The following LHCGR variants were observed in gnomAD, a reference collection of about 807,000 sequenced individuals.
LHCGR encodes the protein luteinizing hormone/choriogonadotropin receptor.
A neutral mutation model predicts 60.7 loss-of-function variants in LHCGR; 55 were observed. That is an observed-to-expected ratio of 0.91 (90% CI 0.73 to 1.13). The LOEUF is 1.13. LHCGR is among the 50% of genes most tolerant of loss of function. The probability of loss-of-function intolerance (pLI) is 0.00; values close to 1 mark genes in which losing one functional copy is unlikely to be tolerated. For synonymous variants in LHCGR, 337 were observed against 316.5 expected (o/e 1.06, Z -0.69); for missense variants, 862 against 836.0 (o/e 1.03, Z -0.38).
chr2:48,742,709 T>A (rs928744327), intron 1 of LHCGR, among the ~76,000 whole-genome samples: 1 of 151,634 alleles, frequency 6.6e-6, no homozygotes, highest in Admixed American at 6.6e-5. Context: ...AGAGGGAAAT[T>A]TTTAGCACTA....
chr2:48,687,189 C>A lies in LHCGR; in HGVS notation c.*508G>T. The A allele has an allele frequency of 6.3e-6, 1 of 158,606 alleles. No individual in the cohort carries two copies. The highest frequency in any genetic ancestry group is 1.4e-5 in the Non-Finnish European group (1 of 71,918). 9.8% of individuals were successfully genotyped at this position (158,606 alleles called of 1,614,324 possible). A position where few individuals can be genotyped will look rare whatever the true frequency, so the allele number is the denominator to read the frequency against. On this transcript the variant is annotated 3_prime_UTR_variant, in exon 11 of 11. Transcript: ENST00000294954. ...TAGCCATTGAGAACTTGAAACGTGG[C>A]TAGTGCAACTGAGAAACTACATTTC...
chr2:48,694,435 T>A, intron 9 of LHCGR, 131 bp from the exon 10 acceptor site: 1 of 678,140 alleles, frequency 1.5e-6, no homozygotes, highest in Non-Finnish European at 2.7e-6. Context: ...TGCACCATTG[T>A]CCTAACTGAA....
intron 6 of LHCGR, among the ~76,000 whole-genome samples, chr2:48,716,673 A>G (rs1668263995): frequency 6.6e-6 from 1 of 152,110 alleles, no homozygotes; most frequent in African/African-American, 2.4e-5. Context: ...TAGAAGCTCA[A>G]TTTCACCAGA....
chr2:48,747,385 C>T (rs543529386), intron 1 of LHCGR, among the ~76,000 whole-genome samples: 264 of 152,290 alleles, frequency 1.7e-3, no homozygotes, highest in Middle Eastern at 3.4e-3. Context: ...AGCCACTGTG[C>T]CTGAGAATGG....
rs1670173776 is a variant in LHCGR, at chr2:48,755,595, C to A, written c.77G>T (p.Arg26Leu). 6.5e-7 allele frequency: 1 copy of A among 1,537,422 alleles called. No homozygotes were observed. The highest frequency in any genetic ancestry group is 2.4e-5 in the East Asian group (1 of 40,822). ...GCAGGGCTCAGGGCAGAGCGCCTCG[C>A]GCAGCGCTCGTGGCAGCGGCGGCTG... ...LLQPPLPRALREALCPEPCNC... is the reference protein window; with the variant it reads ...LLQPPLPRALLEALCPEPCNC... Residue 26 changes from arginine (R) to leucine (L), a missense_variant, in exon 1 of 11, where the codon CGC (arginine) becomes CTC (leucine). Arg to Leu is a moderately radical substitution (Grantham distance 102). Transcript: ENST00000294954.
At position 48,729,133 on chromosome 2, in the gene LHCGR, G is replaced by A. The variant is rs755892952; in HGVS notation, c.308+20C>T. 6.4e-7 allele frequency: 1 copy of A among 1,566,610 alleles called. No individual in the cohort carries two copies. The highest frequency in any genetic ancestry group is 2.2e-5 in the East Asian group (1 of 44,660). On this transcript the variant is annotated intron_variant, in intron 3 of 10. Coordinates refer to ENST00000294954, the MANE Select transcript of LHCGR (RefSeq NM_000233.4). The stretch of plus-strand genomic sequence containing the variant: ...GGGTAATAGTGTACAGCAGTAAACT[G>A]TCTGTTAGCTGATGCTTACATTTCA...
At chr2:48,704,606 G>A (rs1667573243) in intron 8 of LHCGR, among the ~76,000 whole-genome samples, 1 of 152,120 alleles carries the variant, frequency 6.6e-6, no homozygotes, top group African/African-American at 2.4e-5. Context: ...CTTCTTCCTG[G>A]TTTAGTCTTG....
chr2:48,687,841 T>A lies in LHCGR; in HGVS notation c.1956A>T (p.Arg652Ser). The change falls in exon 11 of 11, where the codon AGA (arginine) becomes AGT (serine). Residue 652 changes from arginine (R) to serine (S), a missense_variant. Physicochemically the swap from Arg to Ser is moderately radical, Grantham distance 110. Coordinates refer to ENST00000294954, the MANE Select transcript of LHCGR (RefSeq NM_000233.4). ...GCCKRRAELYRRKDFSAYTSN... is the reference protein window; with the variant it reads ...GCCKRRAELYSRKDFSAYTSN... ...AGGTGTAAGCTGAAAAATCTTTCCT[T>A]CTATAAAGTTCAGCCCGACGTTTAC... 6.2e-7 allele frequency: 1 copy of A among 1,614,106 alleles called. No individual in the cohort carries two copies. Among genetic ancestry groups the A allele is most frequent in the Non-Finnish European group, 8.5e-7 (1 of 1,180,020 alleles).
intron 1 of LHCGR, 84 bp downstream of exon 1, chr2:48,755,427 C>A (rs1670162489): frequency 1.2e-6 from 1 of 863,364 alleles, no homozygotes. Flanking sequence ...GGAAAGGGGG[C>A]CAAAGGAGTA....
chr2:48,744,559 A>T (rs1272655150), intron 1 of LHCGR, among the ~76,000 whole-genome samples: 7 of 64,952 alleles, frequency 1.1e-4, no homozygotes, highest in Non-Finnish European at 1.8e-4. Context: ...CAACTATCTG[A>T]TCTTTGACAA....
At position 48,691,517 on chromosome 2, in the gene LHCGR, A is replaced by G. The variant is rs139269194; in HGVS notation, c.948-2668T>C. On this transcript the variant is annotated intron_variant, in intron 10 of 10. Transcript: ENST00000294954. The stretch of plus-strand genomic sequence containing the variant: ...AGGGAGGAGATGGTTATAAAGAACT[A>G]TTAAAGAAAATAGATCATAAATTTC... Among the ~76,000 whole-genome samples the G allele has an allele frequency of 3.9e-4, 59 of 152,332 alleles. 1 individual carries two copies. In the East Asian group the frequency reaches 0.01, roughly 26 times the overall value.
Position 48,690,689 on chromosome 2 carries a change from A to G in LHCGR, c.948-1840T>C, listed in dbSNP as rs149259254. 4.2e-3 allele frequency among the ~76,000 whole-genome samples: 637 copies of G among 152,312 alleles called. 3 individuals are homozygous for G. Among genetic ancestry groups the G allele is most frequent in the African/African-American group, 0.014 (594 of 41,572 alleles). ...CTGGTGAATTCCTCCTCATCTGTAA[A>G]GATAAGCTCTTCTATGAAGGCTTTC... On this transcript the variant is annotated intron_variant, in intron 10 of 10. Coordinates refer to ENST00000294954, the MANE Select transcript of LHCGR (RefSeq NM_000233.4).
rs1679990939 is a variant in LHCGR, at chr2:48,688,051, C to A, written c.1746G>T (p.Met582Ile). The A allele has an allele frequency of 6.2e-7, 1 of 1,614,026 alleles. No individual in the cohort carries two copies. Among genetic ancestry groups the A allele is most frequent in the Admixed American group, 1.7e-5 (1 of 60,004 alleles). ...AGATGGCAAAAAAAGAGATAGGTGC[C>A]ATGCAGGTGAAATCGGTGAAGATGA... is the stretch of plus-strand genomic sequence containing the variant. ...AILIFTDFTC[M>I]APISFFAISA... The change falls in exon 11 of 11, where the codon ATG becomes ATT. Residue 582 changes from methionine to isoleucine, a missense_variant. Coordinates refer to ENST00000294954, the MANE Select transcript of LHCGR (RefSeq NM_000233.4). The surrounding 1 kb of genome is among the most constrained non-coding windows in gnomAD (Gnocchi z 5.2).
At chr2:48,733,080 A>G in intron 1 of LHCGR, 4 of 428,858 alleles carry the variant, frequency 9.3e-6, no homozygotes, top group Non-Finnish European at 1.9e-5. Context: ...TGCCAAACCA[A>G]TAAATTTACA....
chr2:48,755,509 A>G lies in LHCGR; in HGVS notation c.161+2T>C. On this transcript the variant is annotated splice_donor_variant, in intron 1 of 10. Transcript: ENST00000294954. LOFTEE classifies it high-confidence loss of function. ...GCCGCGACGGGAGCGCTGTGTACTC[A>G]CAGTCGAGTGAGACCGGCCGTGGGG... 6.5e-7 allele frequency: 1 copy of G among 1,537,100 alleles called. No individual in the cohort carries two copies. Among genetic ancestry groups the G allele is most frequent in the Non-Finnish European group, 8.8e-7 (1 of 1,139,474 alleles).
chr2:48,710,141 A>G (rs1330338483), intron 7 of LHCGR, among the ~76,000 whole-genome samples: 2 of 152,138 alleles, frequency 1.3e-5, no homozygotes, highest in Admixed American at 6.5e-5. Flanking sequence ...TGTTTTCCAC[A>G]TTTCTACTAA....
chr2:48,691,732 G>A (rs899713436), intron 10 of LHCGR, among the ~76,000 whole-genome samples: 3 of 151,702 alleles, frequency 2.0e-5, no homozygotes, highest in African/African-American at 2.4e-5. Flanking sequence ...TGTAATCCCA[G>A]CTACTTGGGA....
rs1412167117 is a variant in LHCGR, at chr2:48,743,990, G to A, written c.161+11521C>T. On this transcript the variant is annotated intron_variant, in intron 1 of 10. Transcript: ENST00000294954. Reference sequence around the variant, plus strand: ...CTCCTTAAGCTGATAAGCAACTTCAGCAAAGTCTCAGGATACAAAATCAAC... The same window carrying A: ...CTCCTTAAGCTGATAAGCAACTTCAACAAAGTCTCAGGATACAAAATCAAC... Among the ~76,000 whole-genome samples, 238 of 143,572 alleles carry A rather than the reference G, an allele frequency of 1.7e-3. 1 individual carries two copies. Among genetic ancestry groups the A allele is most frequent in the Non-Finnish European group, 2.9e-3 (193 of 66,144 alleles). 94.2% of individuals were successfully genotyped at this position (143,572 alleles called of 152,430 possible). A position where few individuals can be genotyped will look rare whatever the true frequency, so the allele number is the denominator to read the frequency against.
At chr2:48,712,676 C>T (rs1253945861) in intron 7 of LHCGR, among the ~76,000 whole-genome samples, 1 of 150,992 alleles carries the variant, frequency 6.6e-6, no homozygotes, top group Non-Finnish European at 1.5e-5. Flanking sequence ...GAATTGTTTA[C>T]TTATAATTAA....
Sources: gnomAD v4.1 joint callset for allele counts (sites outside exome capture counted in the v4.1 genomes callset) on GRCh38, gnomAD v4.1.1 for gene constraint, Gnocchi (gnomAD v3.1) non-coding constraint, MANE v1.5 for transcripts, NCBI Gene and HGNC (gene_info 2026-07-23, HGNC 2026-07-21) for gene names.